Variants in ABLIM1 observed in about 807,000 individuals in gnomAD.
ABLIM1 encodes actin-binding LIM protein 1.
In ABLIM1, 40 loss-of-function variants were observed where a neutral mutation model predicts 107.0. That is an observed-to-expected ratio of 0.37 (90% confidence interval 0.29 to 0.49). The LOEUF is 0.49. Among genes scored for constraint, ABLIM1 ranks in the 20% least tolerant of loss-of-function variants. The pLI, the probability that ABLIM1 is intolerant of heterozygous loss-of-function variation, is 0.97. For missense variants in ABLIM1, 857 were observed against 1,008.5 expected (o/e 0.85, Z 2.04); for synonymous variants, 357 against 357.3 (o/e 1.00, Z 0.01).
intron 1 of ABLIM1, among the ~76,000 whole-genome samples, chr10:114,602,171 C>T (rs990325654): frequency 1.6e-4 from 24 of 152,260 alleles, no homozygotes; most frequent in South Asian, 4.1e-4. Flanking sequence ...AAACACCAGG[C>T]GTGTTCCTCA....
intron 1 of ABLIM1, among the ~76,000 whole-genome samples, chr10:114,729,514 C>T (rs1473574298): frequency 6.6e-6 from 1 of 152,100 alleles, no homozygotes; most frequent in Non-Finnish European, 1.5e-5. Context: ...ACAGAAGCTA[C>T]TGAATGAGTG....
chr10:114,434,125 G>C lies in ABLIM1; in HGVS notation c.*2135C>G, dbSNP rs940385395. The C allele has an allele frequency of 1.3e-5, 2 of 152,270 alleles. No homozygotes were observed. The highest frequency in any genetic ancestry group is 6.5e-5 in the Admixed American group (1 of 15,282). 9.4% of individuals were successfully genotyped at this position (152,270 alleles called of 1,614,324 possible). A position where few individuals can be genotyped will look rare whatever the true frequency, so the allele number is the denominator to read the frequency against. Reference sequence around the variant, plus strand: ...GCCATTGCAGGAGGGCACAGAGAGAGGATGGGATAGAAAAAGCATGGAATA... The same window carrying C: ...GCCATTGCAGGAGGGCACAGAGAGACGATGGGATAGAAAAAGCATGGAATA... On this transcript the variant is annotated 3_prime_UTR_variant, in exon 23 of 23. Coordinates refer to ENST00000533213, the MANE Select transcript of ABLIM1 (RefSeq NM_002313.7).
intron 1 of ABLIM1, among the ~76,000 whole-genome samples, chr10:114,745,229 C>G (rs2082359318): frequency 6.6e-6 from 1 of 152,188 alleles, no homozygotes; most frequent in African/African-American, 2.4e-5. Context: ...TGCTATCCTG[C>G]CTGACACGTA....
chr10:114,673,118 C>T (rs1309729588), intron 1 of ABLIM1, among the ~76,000 whole-genome samples: 7 of 151,724 alleles, frequency 4.6e-5, no homozygotes, highest in Non-Finnish European at 8.8e-5. Context: ...ATTAGCCAGT[C>T]GTGGTGGTGC....
chr10:114,537,621 G>T (rs754307766), intron 6 of ABLIM1, among the ~76,000 whole-genome samples: 7 of 152,196 alleles, frequency 4.6e-5, no homozygotes, highest in Non-Finnish European at 8.8e-5. Flanking sequence ...CCAGCTTGCA[G>T]GCCTGTGGTG....
At chr10:114,715,545 C>T (rs925723801) in intron 1 of ABLIM1, among the ~76,000 whole-genome samples, 9 of 152,122 alleles carry the variant, frequency 5.9e-5, no homozygotes, top group Admixed American at 2.6e-4. Context: ...AACGTTGCAG[C>T]TCAGATTACC....
chr10:114,689,127 C>T (rs76841353), upstream of ABLIM1, among the ~76,000 whole-genome samples: 6,089 of 152,214 alleles, frequency 0.04, 185 homozygotes, highest in African/African-American at 0.063. Flanking sequence ...CACCTCATGG[C>T]TACTGTACAG....
rs962936824 is a variant in ABLIM1, at chr10:114,433,381, C to A, written c.*2879G>T. 5 of 152,220 alleles carry A rather than the reference C, an allele frequency of 3.3e-5. No homozygotes were observed. The highest frequency in any genetic ancestry group is 4.8e-5 in the African/African-American group (2 of 41,452). 9.4% of individuals were successfully genotyped at this position (152,220 alleles called of 1,614,324 possible). Reference sequence around the variant, plus strand: ...AGTTAGCAGGAACCAGGTTGCCCCACAACCCATCCCTCCAGCTGGAGCCTT... The same window carrying A: ...AGTTAGCAGGAACCAGGTTGCCCCAAAACCCATCCCTCCAGCTGGAGCCTT... On this transcript the variant is annotated 3_prime_UTR_variant, in exon 23 of 23. Transcript: ENST00000533213.
chr10:114,801,265 A>T, the ABLIM1 span, among the ~76,000 whole-genome samples: 47 of 152,184 alleles, frequency 3.1e-4, no homozygotes, highest in Non-Finnish European at 4.3e-4. Context: ...AAAAAAATTT[A>T]AAACCAAGAT....
At chr10:114,534,947 A>G (rs2065838685) in intron 6 of ABLIM1, among the ~76,000 whole-genome samples, 1 of 152,230 alleles carries the variant, frequency 6.6e-6, no homozygotes, top group African/African-American at 2.4e-5. Context: ...CTGGCACAAC[A>G]CATTTCCTCC....
At chr10:114,706,801 TATA>T (rs2081431097) in intron 1 of ABLIM1, among the ~76,000 whole-genome samples, 1 of 152,208 alleles carries the variant, frequency 6.6e-6, no homozygotes, top group African/African-American at 2.4e-5. Flanking sequence ...ACTCATTTCT[TATA>T]ATGAGAACGG....
chr10:114,498,972 C>T (rs942372566), intron 6 of ABLIM1, among the ~76,000 whole-genome samples: 2 of 152,214 alleles, frequency 1.3e-5, no homozygotes, highest in Non-Finnish European at 2.9e-5. Context: ...AAATGATTCA[C>T]AACAACCCTA....
chr10:114,496,227 A>T (rs1012921301), intron 6 of ABLIM1, among the ~76,000 whole-genome samples: 2 of 152,226 alleles, frequency 1.3e-5, no homozygotes, highest in Non-Finnish European at 2.9e-5. Flanking sequence ...AGATGAATGG[A>T]AGTTACATCA....
At chr10:114,510,254 G>T (rs1303660207) in intron 6 of ABLIM1, among the ~76,000 whole-genome samples, 1 of 152,120 alleles carries the variant, frequency 6.6e-6, no homozygotes. Context: ...AGTTGCCTGG[G>T]GCCCCTCTAG....
intron 6 of ABLIM1, among the ~76,000 whole-genome samples, chr10:114,525,527 T>C (rs970097222): frequency 3.3e-5 from 5 of 152,238 alleles, no homozygotes; most frequent in African/African-American, 1.2e-4. Flanking sequence ...TAAAAAGCCT[T>C]CTCAAAAGTA....
intron 4 of ABLIM1, among the ~76,000 whole-genome samples, chr10:114,568,744 T>C (rs2071187438): frequency 1.3e-5 from 2 of 152,206 alleles, no homozygotes; most frequent in Non-Finnish European, 2.9e-5. Context: ...ATTTCATCCA[T>C]TGGAAGCAAA....
chr10:114,536,524 A>G (rs1187144799), intron 6 of ABLIM1, among the ~76,000 whole-genome samples: 1 of 152,158 alleles, frequency 6.6e-6, no homozygotes, highest in Non-Finnish European at 1.5e-5. Flanking sequence ...CTGGGATTAC[A>G]GGCGTGAGCC....
chr10:114,782,359 A>G, the ABLIM1 span, among the ~76,000 whole-genome samples: 1 of 152,158 alleles, frequency 6.6e-6, no homozygotes. Context: ...GAAAAGGCAG[A>G]TTTAAATTGA....
chr10:114,529,378 T>C (rs747398318), intron 6 of ABLIM1, among the ~76,000 whole-genome samples: 2 of 152,032 alleles, frequency 1.3e-5, no homozygotes, highest in Non-Finnish European at 2.9e-5. Context: ...TGCCTCAACC[T>C]CCCAAAGTGC....
Sources: gnomAD v4.1 joint callset for allele counts (sites outside exome capture counted in the v4.1 genomes callset) on GRCh38, gnomAD v4.1.1 for gene constraint, MANE v1.5 for transcripts, NCBI Gene and HGNC (gene_info 2026-07-23, HGNC 2026-07-21) for gene names.